SLC24A3: variants seen among roughly 807,000 people sequenced by gnomAD.
SLC24A3 encodes the protein solute carrier family 24 member 3, also known as sodium/potassium/calcium exchanger 3.
Under a neutral mutation model 75.8 loss-of-function variants are expected in SLC24A3, and 28 were observed. The observed-to-expected ratio is 0.37, with a 90% CI of 0.27 to 0.51. SLC24A3 has a LOEUF of 0.51. Among genes scored for constraint, SLC24A3 ranks in the 20% least tolerant of loss-of-function variants. SLC24A3 has a pLI of 0.94. For missense variants in SLC24A3, 663 were observed against 847.8 expected, an observed-to-expected ratio of 0.78 and a Z score of 2.71; for synonymous variants, 372 against 334.1, an observed-to-expected ratio of 1.11 and a Z score of -1.24.
At chr20:19,604,404 C>T (rs973709242) in intron 6 of SLC24A3, among the ~76,000 whole-genome samples, 1 of 152,172 alleles carries the variant, frequency 6.6e-6, no homozygotes, top group Non-Finnish European at 1.5e-5. Flanking sequence ...GAGGCAGGAA[C>T]AGAGTGACTC....
intron 1 of SLC24A3, among the ~76,000 whole-genome samples, chr20:19,222,638 T>G (rs1463004754): frequency 6.6e-6 from 1 of 152,196 alleles, no homozygotes; most frequent in African/African-American, 2.4e-5. Context: ...TCAAGATATA[T>G]TCAGCCCTCA....
At chr20:19,337,462 AAATAAATAAATT>A (rs1047388983) in intron 2 of SLC24A3, among the ~76,000 whole-genome samples, 16 of 132,238 alleles carry the variant, frequency 1.2e-4, no homozygotes, top group Admixed American at 3.0e-4. Flanking sequence ...GTAAATAAAT[AAATAAATAAATT>A]AATTAATTAA....
chr20:19,698,217 C>T (rs1267262227), intron 14 of SLC24A3, among the ~76,000 whole-genome samples: 1 of 152,152 alleles, frequency 6.6e-6, no homozygotes, highest in Non-Finnish European at 1.5e-5. Flanking sequence ...AGAAACCACC[C>T]CCATAATCCA....
rs780213028 is a variant in SLC24A3 at position 19,212,888 on chromosome 20, C to T, written c.46C>T (p.Arg16Cys). ...DEDRARRRRR[R>C]RRRRDLLLSQ... is the part of the protein sequence containing the mutation. Reference sequence around the variant, plus strand: ...GGACCGCGCGCGTCGCCGCCGCCGCCGCCGCCGCCGGAGGGACCTTCTGCT... The same window carrying T: ...GGACCGCGCGCGTCGCCGCCGCCGCTGCCGCCGCCGGAGGGACCTTCTGCT... Residue 16 changes from arginine to cysteine, a missense_variant, in exon 1 of 17, where the codon CGC (arginine) becomes TGC (cysteine). By Grantham distance (180) the Arg-to-Cys change is radical. This residue lies in a region of SLC24A3 where 153 missense variants were observed against 144.2 expected (regional missense o/e 1.06). Transcript: ENST00000328041. The T allele has an allele frequency of 7.7e-7, 1 of 1,299,508 alleles. No individual in the cohort carries two copies. The highest frequency in any genetic ancestry group is 9.8e-7 in the Non-Finnish European group (1 of 1,019,172). 80.5% of individuals were successfully genotyped at this position (1,299,508 alleles called of 1,614,324 possible).
intron 2 of SLC24A3, among the ~76,000 whole-genome samples, chr20:19,317,145 C>T (rs748874658): frequency 6.6e-6 from 1 of 152,154 alleles, no homozygotes; most frequent in East Asian, 1.9e-4. Flanking sequence ...GGACTCCTTC[C>T]TTACACCATG....
chr20:19,665,685 A>G (rs2032390382), intron 7 of SLC24A3, among the ~76,000 whole-genome samples, 179 bp from the exon 8 acceptor site: 1 of 152,198 alleles, frequency 6.6e-6, no homozygotes, highest in African/African-American at 2.4e-5. Flanking sequence ...CCAAAGGCCA[A>G]ACCAGTACAG....
chr20:19,656,390 G>C (rs2032266231), intron 7 of SLC24A3, among the ~76,000 whole-genome samples: 1 of 89,188 alleles, frequency 1.1e-5, no homozygotes, highest in South Asian at 3.3e-4. Context: ...AGAGGTTCAT[G>C]CTGGAACTGA....
intron 2 of SLC24A3, among the ~76,000 whole-genome samples, chr20:19,357,648 G>T (rs78542267): frequency 9.0e-4 from 137 of 152,214 alleles, no homozygotes; most frequent in African/African-American, 3.1e-3. Flanking sequence ...ATTGATTTGT[G>T]TCAGGTCTTG....
At chr20:19,595,169 C>T (rs1015352483) in intron 6 of SLC24A3, among the ~76,000 whole-genome samples, 1 of 152,160 alleles carries the variant, frequency 6.6e-6, no homozygotes, top group Non-Finnish European at 1.5e-5. Flanking sequence ...CATCCCCAAC[C>T]CTGGCAACAG....
At chr20:19,663,600 T>G (rs2032364325) in intron 7 of SLC24A3, among the ~76,000 whole-genome samples, 1 of 150,960 alleles carries the variant, frequency 6.6e-6, no homozygotes, top group South Asian at 2.1e-4. Flanking sequence ...ATCTCCTCCA[T>G]TAGTTAGTAC....
chr20:19,239,731 G>A (rs1372833550), intron 1 of SLC24A3, among the ~76,000 whole-genome samples: 3 of 152,172 alleles, frequency 2.0e-5, no homozygotes, highest in Admixed American at 6.5e-5. Flanking sequence ...CAAGGGTCCT[G>A]GCTCCCAGCC....
At chr20:19,330,394 A>G (rs1464123136) in intron 2 of SLC24A3, among the ~76,000 whole-genome samples, 2 of 152,224 alleles carry the variant, frequency 1.3e-5, no homozygotes, top group Non-Finnish European at 2.9e-5. Context: ...AAAGGGGAAA[A>G]AGGGCATCTT....
chr20:19,546,158 CAAAAAAAAAAAAAAAAAA>C (rs367781560), intron 3 of SLC24A3, among the ~76,000 whole-genome samples: 6 of 46,740 alleles, frequency 1.3e-4, no homozygotes, highest in Admixed American at 4.0e-4. Context: ...GACTCCGTCT[CAAAAAAAAAAAAAAAAAA>C]AAAAAAAAAA....
rs190967095 is a variant in SLC24A3, at chr20:19,321,008, G to T, written c.271+39921G>T. Among the ~76,000 whole-genome samples the T allele has an allele frequency of 1.6e-4, 24 of 152,144 alleles. No individual in the cohort carries two copies. In the East Asian group the frequency reaches 3.9e-3, roughly 25 times the overall value. On this transcript the variant is annotated intron_variant, in intron 2 of 16. Coordinates refer to ENST00000328041, the MANE Select transcript of SLC24A3 (RefSeq NM_020689.4). ...TATGTATACATACATACATATGCAT[G>T]TATTGTGTCTATATGCAGTTAGTCC...
At chr20:19,297,821 G>A (rs1342301577) in intron 2 of SLC24A3, among the ~76,000 whole-genome samples, 1 of 152,218 alleles carries the variant, frequency 6.6e-6, no homozygotes, top group Non-Finnish European at 1.5e-5. Flanking sequence ...ACCACAGAAA[G>A]TAACTTAACA....
At chr20:19,407,950 T>G (rs1879027147) in intron 2 of SLC24A3, among the ~76,000 whole-genome samples, 1 of 152,180 alleles carries the variant, frequency 6.6e-6, no homozygotes, top group African/African-American at 2.4e-5. Context: ...ACCTTGTGGC[T>G]TTATGGGAGT....
intron 2 of SLC24A3, among the ~76,000 whole-genome samples, chr20:19,479,116 C>T (rs1204549013): frequency 6.6e-6 from 1 of 152,224 alleles, no homozygotes; most frequent in Non-Finnish European, 1.5e-5. Flanking sequence ...TGACTGACTA[C>T]CCCTAAGTTG....
At chr20:19,623,647 T>C (rs1439154886) in intron 6 of SLC24A3, among the ~76,000 whole-genome samples, 1 of 152,240 alleles carries the variant, frequency 6.6e-6, no homozygotes, top group Non-Finnish European at 1.5e-5. Context: ...AATAACCATA[T>C]GTGTTTAGTG....
intron 8 of SLC24A3, among the ~76,000 whole-genome samples, chr20:19,669,095 G>T (rs2032433851): frequency 2.0e-5 from 3 of 152,182 alleles, no homozygotes. Flanking sequence ...AGATCAGAAG[G>T]GCTCCATTTG....
Sources: allele counts gnomAD v4.1 joint callset (sites outside exome capture counted in the v4.1 genomes callset), GRCh38; gene constraint gnomAD v4.1.1; regional missense constraint gnomAD v4.1.1; transcripts MANE v1.5; gene names NCBI Gene and HGNC (gene_info 2026-07-23, HGNC 2026-07-21).